The following TAOK3 variants were observed in gnomAD, a reference collection of about 807,000 sequenced individuals.
TAOK3 encodes the protein TAO kinase 3, also known as serine/threonine-protein kinase TAO3.
In TAOK3, 40 loss-of-function variants were observed where a neutral mutation model predicts 120.4. The ratio of observed to expected loss-of-function variants is 0.33; its 90% CI spans 0.26 to 0.43. The LOEUF (loss-of-function observed/expected upper bound fraction) is 0.43. Among genes scored for constraint, TAOK3 ranks in the 20% least tolerant of loss-of-function variants. The pLI, the probability that TAOK3 is intolerant of heterozygous loss-of-function variation, is 1.00. For missense variants in TAOK3, 821 were observed against 1,112.1 expected, an observed-to-expected ratio of 0.74 and a Z score of 3.72; for synonymous variants, 355 against 387.5, an observed-to-expected ratio of 0.92 and a Z score of 0.99.
At chr12:118,366,104 A>C (rs1485749263) in intron 1 of TAOK3, among the ~76,000 whole-genome samples, 1 of 152,104 alleles carries the variant, frequency 6.6e-6, no homozygotes, top group Non-Finnish European at 1.5e-5. Context: ...TCTCTACTAA[A>C]AATACAAAAA....
rs2036068569 is a variant in TAOK3 at position 118,172,597 on chromosome 12, C to T, written c.1759G>A (p.Glu587Lys). ...TCAGCCTGTGTGTGCTGCAAGTTCT[C>T]TTTATGTTTGGAGATCCGCTCTTGC... ...EKQERISKHK[E>K]NLQHTQAEEE... Residue 587 changes from glutamate to lysine, a missense_variant, in exon 17 of 21, where the codon GAG becomes AAG. By Grantham distance (56) the Glu-to-Lys change is moderately conservative. Coordinates refer to ENST00000392533, the MANE Select transcript of TAOK3 (RefSeq NM_016281.4). 6.2e-7 allele frequency: 1 copy of T among 1,614,048 alleles called. No homozygotes were observed. The highest frequency in any genetic ancestry group is 1.3e-5 in the African/African-American group (1 of 74,910).
intron 14 of TAOK3, among the ~76,000 whole-genome samples, chr12:118,189,582 G>GTTT (rs57146377): frequency 8.5e-5 from 12 of 140,630 alleles, no homozygotes; most frequent in Admixed American, 1.4e-4. Flanking sequence ...ACACACAAAG[G>GTTT]TTTTTTTTTT....
intron 9 of TAOK3, among the ~76,000 whole-genome samples, chr12:118,222,366 C>T (rs968280636): frequency 6.6e-6 from 1 of 152,048 alleles, no homozygotes; most frequent in East Asian, 1.9e-4. Flanking sequence ...AACCCCGTCT[C>T]TACTAAAAAT....
chr12:118,246,764 G>A, intron 3 of TAOK3: 2 of 1,537,170 alleles, frequency 1.3e-6, no homozygotes, highest in Non-Finnish European at 1.8e-6. Context: ...CCTCAGCCCG[G>A]GGCTGCACTG....
intron 1 of TAOK3, among the ~76,000 whole-genome samples, chr12:118,286,847 A>G (rs1278619502): frequency 6.6e-6 from 1 of 152,262 alleles, no homozygotes; most frequent in Non-Finnish European, 1.5e-5. Context: ...GAGTGGATAA[A>G]GAAACTGTGG....
At chr12:118,339,308 G>T (rs891924114) in intron 1 of TAOK3, among the ~76,000 whole-genome samples, 21 of 112,994 alleles carry the variant, frequency 1.9e-4, no homozygotes, top group Middle Eastern at 5.6e-3. Flanking sequence ...TTTTGAGATG[G>T]AGTTTCGCTC....
chr12:118,246,663 C>T (rs558430518), intron 3 of TAOK3: 10 of 1,565,608 alleles, frequency 6.4e-6, no homozygotes, highest in Non-Finnish European at 8.6e-6. Context: ...TGTGCTGGTG[C>T]GCCTCATCCC....
chr12:118,183,429 T>C (rs950116981), intron 14 of TAOK3, among the ~76,000 whole-genome samples: 41 of 152,248 alleles, frequency 2.7e-4, no homozygotes, highest in African/African-American at 9.6e-4. Flanking sequence ...TAATACTCTT[T>C]CAAGTATTAA....
intron 1 of TAOK3, among the ~76,000 whole-genome samples, chr12:118,274,215 A>G (rs1433296389): frequency 2.0e-5 from 3 of 152,202 alleles, no homozygotes; most frequent in Admixed American, 6.5e-5. Flanking sequence ...TCCTGAGGTA[A>G]GAGAACTGCT....
At chr12:118,348,845 CTTTTTTT>C (rs756607862) in intron 1 of TAOK3, among the ~76,000 whole-genome samples, 143 of 127,812 alleles carry the variant, frequency 1.1e-3, no homozygotes, top group East Asian at 5.6e-3. Context: ...AAAATAATTT[CTTTTTTT>C]TTTTTTTTTT....
chr12:118,202,718 C>A (rs2038086533), intron 11 of TAOK3, among the ~76,000 whole-genome samples: 1 of 151,070 alleles, frequency 6.6e-6, no homozygotes, highest in African/African-American at 2.4e-5. Context: ...TAGGCTTGTA[C>A]CTTTTAAATC....
chr12:118,293,279 T>C (rs986460785), intron 1 of TAOK3, among the ~76,000 whole-genome samples: 1 of 152,224 alleles, frequency 6.6e-6, no homozygotes, highest in Non-Finnish European at 1.5e-5. Context: ...AAATTGACTT[T>C]GAGGGGTTAA....
chr12:118,363,715 T>C, intron 1 of TAOK3, among the ~76,000 whole-genome samples: 1 of 151,266 alleles, frequency 6.6e-6, no homozygotes, highest in East Asian at 1.9e-4. Context: ...AGAAGACCAG[T>C]CTGGTCAAGG....
intron 1 of TAOK3, among the ~76,000 whole-genome samples, chr12:118,370,912 C>T (rs1011714637): frequency 3.3e-5 from 5 of 152,150 alleles, no homozygotes; most frequent in African/African-American, 9.7e-5. Context: ...CCTGGAATTA[C>T]GCCTAAAGCT....
At chr12:118,182,154 C>T (rs976417049) in intron 14 of TAOK3, among the ~76,000 whole-genome samples, 2 of 151,970 alleles carry the variant, frequency 1.3e-5, no homozygotes, top group African/African-American at 2.4e-5. Context: ...CACTGCACTC[C>T]AGCCTGGGTG....
intron 2 of TAOK3, among the ~76,000 whole-genome samples, chr12:118,258,799 G>C (rs1644081617): frequency 6.6e-6 from 1 of 151,616 alleles, no homozygotes; most frequent in South Asian, 2.1e-4. Flanking sequence ...TTAAATCAAA[G>C]ATATACCTTT....
intron 19 of TAOK3, among the ~76,000 whole-genome samples, chr12:118,153,658 T>A (rs1313709286): frequency 6.6e-6 from 1 of 152,178 alleles, no homozygotes; most frequent in Non-Finnish European, 1.5e-5. Context: ...GGCCCACAGT[T>A]TGGCTGAGAA....
chr12:118,174,120 A>G (rs1403012690), intron 16 of TAOK3, among the ~76,000 whole-genome samples: 10 of 152,240 alleles, frequency 6.6e-5, no homozygotes. Context: ...AAATATAATC[A>G]CAAAAATTTA....
chr12:118,363,018 CAAAAAAAA>C (rs60475060), intron 1 of TAOK3, among the ~76,000 whole-genome samples: 197 of 45,890 alleles, frequency 4.3e-3, no homozygotes, highest in Non-Finnish European at 6.1e-3. Context: ...GACTCCGTAT[CAAAAAAAA>C]AAAAAAAAAA....
Sources: allele counts gnomAD v4.1 joint callset (sites outside exome capture counted in the v4.1 genomes callset), GRCh38; gene constraint gnomAD v4.1.1; transcripts MANE v1.5; gene names NCBI Gene and HGNC (gene_info 2026-07-23, HGNC 2026-07-21).